The following CNTN1 variants were observed in gnomAD, a reference collection of about 807,000 sequenced individuals.
CNTN1 encodes the protein contactin 1, also known as contactin-1.
A neutral mutation model predicts 126.4 loss-of-function variants in CNTN1; 38 were observed. The ratio of observed to expected loss-of-function variants is 0.30; its 90% CI spans 0.23 to 0.39. CNTN1 has a LOEUF of 0.39. CNTN1 is among the 10% of genes least tolerant of loss of function. CNTN1 has a pLI of 1.00. For synonymous variants in CNTN1, 413 were observed against 422.6 expected, an observed-to-expected ratio of 0.98 and a Z score of 0.28; for missense variants, 1,009 against 1,248.4, an observed-to-expected ratio of 0.81 and a Z score of 2.89.
At chr12:40,787,035 G>A (rs1592086403) in intron 1 of CNTN1, among the ~76,000 whole-genome samples, 2 of 151,980 alleles carry the variant, frequency 1.3e-5, no homozygotes, top group African/African-American at 4.8e-5. Context: ...TATGATGTTC[G>A]TTATAGGCCA....
At chr12:41,043,585 G>A (rs187649232) in intron 23 of CNTN1, among the ~76,000 whole-genome samples, 6 of 152,238 alleles carry the variant, frequency 3.9e-5, no homozygotes, top group East Asian at 1.9e-4. Context: ...GTGGAAGTCC[G>A]TGTGGCAATT....
At chr12:41,028,278 T>C (rs1470885597) in intron 22 of CNTN1, among the ~76,000 whole-genome samples, 2 of 152,112 alleles carry the variant, frequency 1.3e-5, no homozygotes, top group Non-Finnish European at 2.9e-5. Context: ...ATTATCCACC[T>C]ACCTCAACTT....
chr12:40,825,827 CAAT>C lies in CNTN1; in HGVS notation c.-76-82529_-76-82527del, dbSNP rs1436898863. On this transcript the variant is annotated intron_variant, in intron 1 of 23. Transcript: ENST00000551295. ...ATTTTCGTCTGTTCTAGGATGATGA[CAAT>C]GATGATGATAATGATGAAATGCTGA... 7.9e-5 allele frequency among the ~76,000 whole-genome samples: 12 copies of C among 151,922 alleles called. No homozygotes were observed. The East Asian group carries it at 9.7e-4, about 12-fold the overall frequency.
chr12:40,700,144 T>G (rs1045144077), intron 1 of CNTN1, among the ~76,000 whole-genome samples: 3 of 152,174 alleles, frequency 2.0e-5, no homozygotes, highest in African/African-American at 7.2e-5. Flanking sequence ...TTACCCTTTC[T>G]TTTGTTTGTT....
intron 15 of CNTN1, among the ~76,000 whole-genome samples, chr12:40,965,716 T>A (rs972279007): frequency 1.3e-5 from 2 of 152,164 alleles, no homozygotes; most frequent in Non-Finnish European, 2.9e-5. Context: ...TGTGAAAAGT[T>A]TGTGTAACTC....
chr12:41,051,311 A>C (rs577491709), intron 23 of CNTN1, among the ~76,000 whole-genome samples: 35 of 149,446 alleles, frequency 2.3e-4, no homozygotes, highest in African/African-American at 8.8e-4. Flanking sequence ...CCATGCCCAG[A>C]TAATTTTTTT....
intron 20 of CNTN1, 89 bp downstream of exon 20, chr12:41,020,529 T>C (rs1304524565): frequency 5.0e-6 from 4 of 805,122 alleles, no homozygotes; most frequent in Non-Finnish European, 6.2e-6. Flanking sequence ...CAATGTCCCA[T>C]TAATTTATGT....
chr12:40,712,508 G>A (rs1182490222), intron 1 of CNTN1, among the ~76,000 whole-genome samples: 1 of 152,028 alleles, frequency 6.6e-6, no homozygotes, highest in Non-Finnish European at 1.5e-5. Context: ...AAGCACATAT[G>A]CTAGGAACCT....
chr12:40,766,632 G>T lies in CNTN1; in HGVS notation c.-77+74040G>T, dbSNP rs552268388. ...TCAACTTATCTGATGCACCCCAATA[G>T]GGTGTTTCCCTGTGGAATTGTAATA... On this transcript the variant is annotated intron_variant, in intron 1 of 23. Coordinates refer to ENST00000551295, the MANE Select transcript of CNTN1 (RefSeq NM_001843.4). Among the ~76,000 whole-genome samples, 77 of 152,290 alleles carry T rather than the reference G, an allele frequency of 5.1e-4. 1 individual carries two copies. The South Asian group carries it at 0.015, about 30-fold the overall frequency.
At chr12:40,893,738 G>A (rs1944315004) in intron 1 of CNTN1, among the ~76,000 whole-genome samples, 1 of 151,804 alleles carries the variant, frequency 6.6e-6, no homozygotes, top group Non-Finnish European at 1.5e-5. Context: ...TTTGTTCATT[G>A]CATAAAACAA....
At chr12:40,873,026 A>G (rs1193114275) in intron 1 of CNTN1, among the ~76,000 whole-genome samples, 1 of 152,178 alleles carries the variant, frequency 6.6e-6, no homozygotes, top group East Asian at 1.9e-4. Context: ...CTTAAACCCC[A>G]GTCAGGCTGA....
At chr12:40,797,411 C>T (rs997428817) in intron 1 of CNTN1, among the ~76,000 whole-genome samples, 1 of 151,778 alleles carries the variant, frequency 6.6e-6, no homozygotes, top group Non-Finnish European at 1.5e-5. Context: ...GAAAAGCATC[C>T]CAGGCCAAAA....
intron 1 of CNTN1, among the ~76,000 whole-genome samples, chr12:40,834,809 G>A: frequency 6.6e-6 from 1 of 152,200 alleles, no homozygotes; most frequent in African/African-American, 2.4e-5. Flanking sequence ...TGATAAATAA[G>A]ATGATGATCA....
intron 18 of CNTN1, 90 bp downstream of exon 18, chr12:41,014,388 A>C (rs1948734120): frequency 7.7e-7 from 1 of 1,291,652 alleles, no homozygotes; most frequent in African/African-American, 1.5e-5. Flanking sequence ...ATTGAGATGA[A>C]AGTGACTGCC....
At chr12:40,794,020 G>C (rs1306146182) in intron 1 of CNTN1, among the ~76,000 whole-genome samples, 1 of 151,986 alleles carries the variant, frequency 6.6e-6, no homozygotes, top group African/African-American at 2.4e-5. Context: ...TACCTAGTAA[G>C]TGTTCCACAA....
intron 1 of CNTN1, among the ~76,000 whole-genome samples, chr12:40,785,150 T>C (rs933319080): frequency 6.6e-6 from 1 of 152,182 alleles, no homozygotes; most frequent in Non-Finnish European, 1.5e-5. Flanking sequence ...AACTATTTAG[T>C]ATTATATTAA....
intron 1 of CNTN1, 37 bp from the exon 2 acceptor site, chr12:40,908,320 A>C: frequency 1.4e-6 from 1 of 737,698 alleles, no homozygotes; most frequent in South Asian, 1.7e-5. Context: ...CCTTCCTTCT[A>C]ATTCTTTCCT....
chr12:41,014,326 T>C (rs1163369251), intron 18 of CNTN1, 28 bp downstream of exon 18: 10 of 1,609,266 alleles, frequency 6.2e-6, no homozygotes, highest in Non-Finnish European at 6.8e-6. Flanking sequence ...GCACATATTA[T>C]AGGTTGCTGT....
intron 1 of CNTN1, among the ~76,000 whole-genome samples, chr12:40,786,412 G>A (rs1940021108): frequency 1.3e-5 from 2 of 152,150 alleles, no homozygotes. Flanking sequence ...ACAACTCTGT[G>A]AGTGTCTTGT....
Sources: gnomAD v4.1 joint callset for allele counts (sites outside exome capture counted in the v4.1 genomes callset) on GRCh38, gnomAD v4.1.1 for gene constraint, MANE v1.5 for transcripts, NCBI Gene and HGNC (gene_info 2026-07-23, HGNC 2026-07-21) for gene names.